Variants in CDH11 observed in about 807,000 individuals in gnomAD.
CDH11 encodes the protein cadherin 11, also known as cadherin-11.
CDH11 carries 11 observed loss-of-function variants against 67.8 expected under a neutral mutation model. That is an observed-to-expected ratio of 0.16 (90% CI 0.10 to 0.27). The LOEUF (loss-of-function observed/expected upper bound fraction) is 0.27. Ranked by LOEUF, CDH11 falls within the 10% of genes least tolerant of loss-of-function variation. CDH11 has a pLI of 1.00. For missense variants in CDH11, 847 were observed against 1,031.2 expected, an observed-to-expected ratio of 0.82 and a Z score of 2.45; for synonymous variants, 419 against 400.0, an observed-to-expected ratio of 1.05 and a Z score of -0.57.
intron 1 of CDH11, among the ~76,000 whole-genome samples, chr16:65,071,580 C>A (rs1208790847): frequency 6.6e-6 from 1 of 152,098 alleles, no homozygotes. Flanking sequence ...GGGGACCAGA[C>A]AAAGACAGAA....
intron 1 of CDH11, among the ~76,000 whole-genome samples, chr16:65,093,134 C>A (rs2074822476): frequency 1.3e-5 from 2 of 150,458 alleles, no homozygotes; most frequent in African/African-American, 4.9e-5. Flanking sequence ...GATGGGGTTT[C>A]ACCATGTTGG....
chr16:64,976,305 C>A (rs2072164615), intron 8 of CDH11, among the ~76,000 whole-genome samples: 1 of 151,950 alleles, frequency 6.6e-6, no homozygotes, highest in Admixed American at 6.6e-5. Flanking sequence ...ACAGTGTTAT[C>A]TGAGGCATAA....
chr16:64,985,259 T>C (rs2072456764), intron 7 of CDH11: 1 of 152,184 alleles, frequency 6.6e-6, no homozygotes, highest in Admixed American at 6.5e-5. Flanking sequence ...ATTTATTGTT[T>C]TCTAAAATAT....
upstream of CDH11, among the ~76,000 whole-genome samples, chr16:65,122,740 G>A (rs1256515192): frequency 6.6e-6 from 1 of 152,080 alleles, no homozygotes; most frequent in Non-Finnish European, 1.5e-5. Flanking sequence ...GAAGAGCCCA[G>A]TCTCCGTTCT....
intron 2 of CDH11, among the ~76,000 whole-genome samples, chr16:65,044,761 G>T (rs552822806): frequency 2.0e-5 from 3 of 152,154 alleles, no homozygotes; most frequent in Non-Finnish European, 4.4e-5. Flanking sequence ...GCTTCTGGGA[G>T]TTGGGCCTGG....
intron 8 of CDH11, among the ~76,000 whole-genome samples, chr16:64,974,642 C>T (rs1343323288): frequency 2.6e-5 from 4 of 152,128 alleles, no homozygotes; most frequent in African/African-American, 9.7e-5. Context: ...TCCCCTTGCA[C>T]AGTGACAAAA....
chr16:65,088,530 T>C (rs995001330), intron 1 of CDH11, among the ~76,000 whole-genome samples: 1 of 152,186 alleles, frequency 6.6e-6, no homozygotes, highest in African/African-American at 2.4e-5. Flanking sequence ...TTATTAAAAA[T>C]ATATTCATTA....
intron 1 of CDH11, among the ~76,000 whole-genome samples, chr16:65,081,719 A>C (rs960302493): frequency 2.0e-5 from 3 of 152,114 alleles, no homozygotes; most frequent in Admixed American, 1.3e-4. Context: ...GTTTTGTTTT[A>C]TCTTCCAAAC....
chr16:64,981,783 C>G (rs1214871397), intron 8 of CDH11: 2 of 344,520 alleles, frequency 5.8e-6, no homozygotes, highest in Non-Finnish European at 1.0e-5. Context: ...CAGACAGGCC[C>G]AGCTCAGGGC....
chr16:64,998,513 CAG>C (rs2072832359), intron 4 of CDH11, 47 bp downstream of exon 4: 2 of 1,576,388 alleles, frequency 1.3e-6, no homozygotes, highest in East Asian at 4.5e-5. Context: ...CCACCCACCA[CAG>C]AGACACCAGG....
At chr16:65,003,643 C>T (rs1291253808) in intron 3 of CDH11, among the ~76,000 whole-genome samples, 1 of 152,142 alleles carries the variant, frequency 6.6e-6, no homozygotes. Context: ...GGTAATTTTC[C>T]AAACTCTCTT....
chr16:65,107,535 C>A (rs1447086780), intron 1 of CDH11, among the ~76,000 whole-genome samples: 1 of 152,182 alleles, frequency 6.6e-6, no homozygotes, highest in Non-Finnish European at 1.5e-5. Flanking sequence ...CAGTTCCTTT[C>A]AATGTGGTCC....
chr16:64,945,898 G>A lies in CDH11; in HGVS notation c.*1705C>T, dbSNP rs2071187453. 6.6e-6 allele frequency: 7 copies of A among 1,057,932 alleles called. No individual in the cohort carries two copies. The highest frequency in any genetic ancestry group is 8.0e-6 in the Non-Finnish European group (7 of 874,656). The allele number at this position is 1,057,932 out of a possible 1,614,324, so 65.5% of individuals were successfully genotyped here. A position where few individuals can be genotyped will look rare whatever the true frequency, so the allele number is the denominator to read the frequency against. ...CCAAGAAAAAGCACGTGCCCTGTGT[G>A]TAGGGGGAAAGAGGGAAAGCACTTG... On this transcript the variant is annotated 3_prime_UTR_variant, in exon 13 of 13. Transcript: ENST00000268603.
At chr16:65,009,275 T>G (rs1036156899) in intron 2 of CDH11, among the ~76,000 whole-genome samples, 5 of 152,134 alleles carry the variant, frequency 3.3e-5, no homozygotes, top group Non-Finnish European at 5.9e-5. Context: ...AAAAGCATTT[T>G]ATATCAATGA....
intron 2 of CDH11, among the ~76,000 whole-genome samples, chr16:65,040,412 G>T (rs967748660): frequency 1.3e-5 from 2 of 152,102 alleles, no homozygotes; most frequent in African/African-American, 4.8e-5. Context: ...GTAGCGACGT[G>T]GATGAAACTG....
intron 3 of CDH11, among the ~76,000 whole-genome samples, chr16:65,003,260 T>TATTC (rs1389999848): frequency 6.6e-6 from 1 of 152,026 alleles, no homozygotes; most frequent in Non-Finnish European, 1.5e-5. Flanking sequence ...TTTATTTATT[T>TATTC]ATTCATTCAT....
rs117567611 is a variant in CDH11, at chr16:65,016,796, G to A, written c.-172-11755C>T. Among the ~76,000 whole-genome samples, 1,384 of 152,312 alleles carry A rather than the reference G, an allele frequency of 9.1e-3. 11 individuals are homozygous for A. The highest frequency in any genetic ancestry group is 0.017 in the Middle Eastern group (5 of 294). ...CAGTGGCTACTCCATAGACAGAGTA[G>A]CAGCATGGGCTGCTTGACTAAGTAC... On this transcript the variant is annotated intron_variant, in intron 2 of 12. Transcript: ENST00000268603.
intron 2 of CDH11, among the ~76,000 whole-genome samples, chr16:65,053,294 T>C (rs879585888): frequency 1.3e-5 from 2 of 152,162 alleles, no homozygotes; most frequent in Admixed American, 6.5e-5. Flanking sequence ...ATTAATCCCA[T>C]AGCACAGACA....
chr16:65,088,657 T>A (rs1347329836), intron 1 of CDH11, among the ~76,000 whole-genome samples: 2 of 152,204 alleles, frequency 1.3e-5, no homozygotes, highest in Admixed American at 1.3e-4. Flanking sequence ...TAAAAATTTG[T>A]TGAGCATTTT....
Sources: allele counts gnomAD v4.1 joint callset (sites outside exome capture counted in the v4.1 genomes callset), GRCh38; gene constraint gnomAD v4.1.1; transcripts MANE v1.5; gene names NCBI Gene and HGNC (gene_info 2026-07-23, HGNC 2026-07-21).